Variants in FKBP1A observed in about 807,000 individuals in gnomAD.
FKBP1A encodes FKBP prolyl isomerase 1A.
A neutral mutation model predicts 14.2 loss-of-function variants in FKBP1A; 5 were observed. The ratio of observed to expected loss-of-function variants is 0.35; its 90% CI spans 0.18 to 0.74. FKBP1A has a LOEUF of 0.74. Ranked by LOEUF, FKBP1A falls within the 30% of genes least tolerant of loss-of-function variation. The pLI is 0.56. For synonymous variants in FKBP1A, 42 were observed against 49.1 expected (o/e 0.86, Z 0.60); for missense variants, 53 against 138.8 (o/e 0.38, Z 3.10).
intron 2 of FKBP1A, among the ~76,000 whole-genome samples, chr20:1,382,787 A>G (rs886686514): frequency 1.3e-5 from 2 of 152,258 alleles, no homozygotes; most frequent in Admixed American, 6.5e-5. Flanking sequence ...GAAAGAAGCC[A>G]AAGCTATGAC....
chr20:1,382,988 C>A (rs1457729978), intron 2 of FKBP1A, among the ~76,000 whole-genome samples: 1 of 152,214 alleles, frequency 6.6e-6, no homozygotes, highest in East Asian at 1.9e-4. Context: ...GCCAGCAGCT[C>A]CTGGGCAGCA....
At chr20:1,389,736 C>A (rs951138176) in intron 2 of FKBP1A, among the ~76,000 whole-genome samples, 8 of 152,204 alleles carry the variant, frequency 5.3e-5, no homozygotes, top group Non-Finnish European at 1.0e-4. Flanking sequence ...GGCACACGGC[C>A]TGCTGAAGTA....
intron 2 of FKBP1A, among the ~76,000 whole-genome samples, chr20:1,381,857 T>C (rs2089619629): frequency 6.6e-6 from 1 of 151,788 alleles, no homozygotes. Flanking sequence ...TATAAAACTT[T>C]AGAAAATGCA....
In FKBP1A at chr20:1,370,683, T is replaced by G. The variant is rs2089452356; in HGVS notation, c.*37-611A>C. On this transcript the variant is annotated intron_variant, in intron 4 of 4. Coordinates refer to ENST00000400137, the MANE Select transcript of FKBP1A (RefSeq NM_000801.5). ...AAGAAGCTGAGACATTCTTTGGCAG[T>G]GGGTTGGGAGGGTTACTCGGGGTGA... The G allele has an allele frequency of 6.1e-6, 6 of 985,334 alleles. No individual in the cohort carries two copies. In the South Asian group the frequency reaches 2.8e-4, roughly 46 times the overall value. 61.0% of individuals were successfully genotyped at this position (985,334 alleles called of 1,614,324 possible). A position where few individuals can be genotyped will look rare whatever the true frequency, so the allele number is the denominator to read the frequency against.
At chr20:1,388,483 G>A (rs75631324) in intron 2 of FKBP1A, among the ~76,000 whole-genome samples, 1,585 of 152,270 alleles carry the variant, frequency 0.01, 33 homozygotes, top group African/African-American at 0.036. Flanking sequence ...AGCAGGCATC[G>A]TTACTCCCAT....
At chr20:1,392,534 CAG>C (rs1421306620) in intron 2 of FKBP1A, among the ~76,000 whole-genome samples, 27 of 152,312 alleles carry the variant, frequency 1.8e-4, no homozygotes, top group Non-Finnish European at 2.6e-4. Context: ...CGCCAAGCCT[CAG>C]TTTCCTCATC....
At chr20:1,383,625 G>T (rs1461727720) in intron 2 of FKBP1A, among the ~76,000 whole-genome samples, 1 of 148,894 alleles carries the variant, frequency 6.7e-6, no homozygotes, top group Non-Finnish European at 1.5e-5. Context: ...GCATGAGTTT[G>T]CAACCAGCCT....
chr20:1,376,141 G>A (rs1465666823), intron 2 of FKBP1A, among the ~76,000 whole-genome samples: 1 of 152,156 alleles, frequency 6.6e-6, no homozygotes, highest in Non-Finnish European at 1.5e-5. Flanking sequence ...CACTAATTGT[G>A]ACCTACACAC....
At chr20:1,388,166 C>T (rs766977116) in intron 2 of FKBP1A, among the ~76,000 whole-genome samples, 8 of 152,192 alleles carry the variant, frequency 5.3e-5, no homozygotes, top group Non-Finnish European at 1.2e-4. Context: ...GAAGTACTCA[C>T]ACTAAAATGT....
At position 1,371,374 on chromosome 20, in the gene FKBP1A, T is replaced by C. The variant is rs527979609; in HGVS notation, c.*36+702A>G. 3.9e-5 allele frequency among the ~76,000 whole-genome samples: 6 copies of C among 152,344 alleles called. No homozygotes were observed. In the South Asian group the frequency reaches 1.2e-3, roughly 32 times the overall value. On this transcript the variant is annotated intron_variant, in intron 4 of 4. Transcript: ENST00000400137. Reference sequence around the variant, plus strand: ...TGACCTTGAGTAAGGCCTTTCTCTCTGGCCCTGTTTCCTTACTGTTGCACA... The same window carrying C: ...TGACCTTGAGTAAGGCCTTTCTCTCCGGCCCTGTTTCCTTACTGTTGCACA...
chr20:1,372,238 C>T lies in FKBP1A; in HGVS notation c.201G>A (p.Met67Ile). 6.2e-7 allele frequency: 1 copy of T among 1,613,600 alleles called. No individual in the cohort carries two copies. Among genetic ancestry groups the T allele is most frequent in the Middle Eastern group, 1.7e-4 (1 of 6,054 alleles). ...IRGWEEGVAQ[M>I]SVGQRAKLTI... Reference sequence around the variant, plus strand: ...TCAGTTTGGCTCTCTGACCCACACTCATCTGTGAAAAGAACAAGGAAGACA... The same window carrying T: ...TCAGTTTGGCTCTCTGACCCACACTTATCTGTGAAAAGAACAAGGAAGACA... The change falls in exon 4 of 5, where the codon ATG (methionine) becomes ATA (isoleucine). Residue 67 changes from methionine (M) to isoleucine (I), a missense_variant and splice_region_variant. Transcript: ENST00000400137.
At position 1,383,684 on chromosome 20, in the gene FKBP1A, T is replaced by TAAAAAAA. The variant is rs34991787; in HGVS notation, c.86-8088_86-8082dup. Among the ~76,000 whole-genome samples, 44 of 125,278 alleles carry TAAAAAAA rather than the reference T, an allele frequency of 3.5e-4. 2 individuals carry two copies. Among genetic ancestry groups the TAAAAAAA allele is most frequent in the African/African-American group, 9.1e-4 (29 of 31,722 alleles). The allele number at this position is 125,278 out of a possible 152,430, so 82.2% of individuals were successfully genotyped here. ...CCCCAATCCTGTTTCTGCAAAAAAT[T>TAAAAAAA]AAAAAAAAAAAAAAAAAAATTTAGC... On this transcript the variant is annotated intron_variant, in intron 2 of 4. Transcript: ENST00000400137.
In FKBP1A at chr20:1,379,542, C is replaced by A. The variant is rs1333879649; in HGVS notation, c.86-3939G>T. 6.6e-6 allele frequency among the ~76,000 whole-genome samples: 1 copy of A among 152,140 alleles called. No individual in the cohort carries two copies. The highest frequency in any genetic ancestry group is 1.5e-5 in the Non-Finnish European group (1 of 68,044). On this transcript the variant is annotated intron_variant, in intron 2 of 4. Coordinates refer to ENST00000400137, the MANE Select transcript of FKBP1A (RefSeq NM_000801.5). This position sits in a 1 kb window ranked among gnomAD's most constrained non-coding sequence, Gnocchi z 4.3. ...CTAAGTAAAGGAGCTTTAAACAGGA[C>A]CTTTGCCTAGGATCTTAATTTTCCT...
At chr20:1,388,940 A>G (rs1001382730) in intron 2 of FKBP1A, among the ~76,000 whole-genome samples, 5 of 152,200 alleles carry the variant, frequency 3.3e-5, no homozygotes, top group African/African-American at 1.2e-4. Context: ...TGCACCGAGC[A>G]GGCTCCAGCC....
At chr20:1,390,291 A>G (rs1449015958) in intron 2 of FKBP1A, among the ~76,000 whole-genome samples, 1 of 146,698 alleles carries the variant, frequency 6.8e-6, no homozygotes, top group African/African-American at 2.5e-5. Context: ...AACAATCAGA[A>G]TCACAGCCAA....
chr20:1,372,352 C>CA, intron 3 of FKBP1A, 112 bp from the exon 4 acceptor site: 1 of 1,196,890 alleles, frequency 8.4e-7, no homozygotes, highest in East Asian at 2.4e-5. Flanking sequence ...ATTGACTTTC[C>CA]AGTGACTTTG....
In FKBP1A at chr20:1,392,969, T is replaced by G. The variant is rs916568226; in HGVS notation, c.30A>C (p.Pro10=). 3.3e-5 allele frequency: 50 copies of G among 1,498,296 alleles called. No individual in the cohort carries two copies. Among genetic ancestry groups the G allele is most frequent in the Non-Finnish European group, 4.2e-5 (48 of 1,131,132 alleles). 92.8% of individuals were successfully genotyped at this position (1,498,296 alleles called of 1,614,324 possible). A position where few individuals can be genotyped will look rare whatever the true frequency, so the allele number is the denominator to read the frequency against. Residue 10 remains proline (P), a synonymous_variant, in exon 1 of 5, where the codon CCA becomes CCC. Coordinates refer to ENST00000400137, the MANE Select transcript of FKBP1A (RefSeq NM_000801.5). ...CCGCGCGCCACTACTCACCGTCTCC[T>G]GGGGAGATGGTTTCCACCTGCACTC... is the stretch of plus-strand genomic sequence containing the variant. The part of the protein sequence containing the change: MGVQVETIS[P]GDGRTFPKRG...
rs559443358 is a variant in FKBP1A at position 1,393,036 on chromosome 20, G to A, written c.-38C>T. 1.8e-5 allele frequency: 25 copies of A among 1,378,476 alleles called. No individual in the cohort carries two copies. Among genetic ancestry groups the A allele is most frequent in the African/African-American group, 1.1e-4 (7 of 65,156 alleles). 85.4% of individuals were successfully genotyped at this position (1,378,476 alleles called of 1,614,324 possible). A position where few individuals can be genotyped will look rare whatever the true frequency, so the allele number is the denominator to read the frequency against. On this transcript the variant is annotated 5_prime_UTR_variant, in exon 1 of 5. Transcript: ENST00000400137. ...CGCTGAGCGGGCGGGCGGCGCGACG[G>A]GCGGCGTGGACCAACAGCGACCTGG... is the stretch of plus-strand genomic sequence containing the variant.
intron 2 of FKBP1A, among the ~76,000 whole-genome samples, chr20:1,391,944 A>T (rs937963992): frequency 6.6e-6 from 1 of 152,090 alleles, no homozygotes; most frequent in African/African-American, 2.4e-5. Flanking sequence ...CCGCCCCCAT[A>T]CAAACCAGGA....
Sources: allele counts gnomAD v4.1 joint callset (sites outside exome capture counted in the v4.1 genomes callset), GRCh38; gene constraint gnomAD v4.1.1; non-coding constraint Gnocchi (gnomAD v3.1); transcripts MANE v1.5; gene names NCBI Gene and HGNC (gene_info 2026-07-23, HGNC 2026-07-21).